Variants in HIF1A observed in about 807,000 individuals in gnomAD.
The protein encoded by HIF1A is hypoxia inducible factor 1 subunit alpha.
A neutral mutation model predicts 92.7 loss-of-function variants in HIF1A; 24 were observed. The ratio of observed to expected loss-of-function variants is 0.26; its 90% CI spans 0.19 to 0.36. HIF1A has a LOEUF of 0.36. HIF1A is among the 10% of genes least tolerant of loss of function. The probability of loss-of-function intolerance (pLI) is 1.00; values close to 1 mark genes in which losing one functional copy is unlikely to be tolerated. For synonymous variants in HIF1A, 319 were observed against 338.7 expected (o/e 0.94, Z 0.64); for missense variants, 799 against 998.5 (o/e 0.80, Z 2.69).
intron 1 of HIF1A, among the ~76,000 whole-genome samples, chr14:61,705,190 T>C (rs2044225299): frequency 6.6e-6 from 1 of 152,154 alleles, no homozygotes; most frequent in Non-Finnish European, 1.5e-5. Flanking sequence ...TGAGTATGTA[T>C]ACTGCATTAA....
chr14:61,738,770 A>G (rs1332622292), intron 10 of HIF1A, among the ~76,000 whole-genome samples: 2 of 152,130 alleles, frequency 1.3e-5, no homozygotes, highest in East Asian at 1.9e-4. Flanking sequence ...TTGTTTTGAG[A>G]AAGAGTCTCA....
chr14:61,718,538 G>T (rs2044389047), intron 1 of HIF1A, among the ~76,000 whole-genome samples: 1 of 151,934 alleles, frequency 6.6e-6, no homozygotes, highest in African/African-American at 2.4e-5. Context: ...CATCATACTT[G>T]TTTTTTTATT....
intron 1 of HIF1A, among the ~76,000 whole-genome samples, chr14:61,702,439 CAAAAAAAAAAA>C (rs149442775): frequency 1.3e-5 from 1 of 78,794 alleles, no homozygotes; most frequent in Non-Finnish European, 2.7e-5. Flanking sequence ...ATGCTGTCTC[CAAAAAAAAAAA>C]AAAAAAATTA....
intron 6 of HIF1A, among the ~76,000 whole-genome samples, chr14:61,730,496 T>C (rs1389232024): frequency 1.3e-5 from 2 of 152,210 alleles, no homozygotes; most frequent in Non-Finnish European, 2.9e-5. Flanking sequence ...TCTCCACTAA[T>C]CATATTATAG....
chr14:61,695,938 G>A (rs577702143), intron 1 of HIF1A, 99 bp downstream of exon 1: 13 of 1,128,948 alleles, frequency 1.2e-5, no homozygotes, highest in African/African-American at 3.1e-5. Context: ...ATGGGATTGG[G>A]GGGGGCAGCC....
At position 61,695,841 on chromosome 14, in the gene HIF1A, T is replaced by TA; in HGVS notation, c.35+4dup. 1 of 1,586,390 alleles carries TA rather than the reference T, an allele frequency of 6.3e-7. No homozygotes were observed. The highest frequency in any genetic ancestry group is 1.2e-5 in the South Asian group (1 of 86,766). On this transcript the variant is annotated splice_region_variant and intron_variant, in intron 1 of 14. Coordinates refer to ENST00000337138, the MANE Select transcript of HIF1A (RefSeq NM_001530.4). ...CGGCGGCGCGAACGACAAGAAAAAGTAAGCCCATTCCCTCGGCCCGCCGCC... is the reference window on the plus strand; with the variant it reads ...CGGCGGCGCGAACGACAAGAAAAAGTAAAGCCCATTCCCTCGGCCCGCCGCC...
intron 1 of HIF1A, chr14:61,697,901 A>G: frequency 6.6e-7 from 1 of 1,524,524 alleles, no homozygotes; most frequent in African/African-American, 1.4e-5. Context: ...TTTTAAAAGA[A>G]GGTCTAGGAA....
In HIF1A at chr14:61,747,146, A is replaced by G; in HGVS notation, c.*61A>G. 3.5e-6 allele frequency: 5 copies of G among 1,422,526 alleles called. No homozygotes were observed. The South Asian group carries it at 5.6e-5, about 16-fold the overall frequency. The allele number at this position is 1,422,526 out of a possible 1,614,324, so 88.1% of individuals were successfully genotyped here. A position where few individuals can be genotyped will look rare whatever the true frequency, so the allele number is the denominator to read the frequency against. ...GGTGGCTCATTACCTAAAGCAGTCT[A>G]TTTATATTTTCTACATCTAATTTTA... On this transcript the variant is annotated 3_prime_UTR_variant, in exon 15 of 15. Coordinates refer to ENST00000337138, the MANE Select transcript of HIF1A (RefSeq NM_001530.4).
rs754720314 is a variant in HIF1A, at chr14:61,746,902, A to C, written c.2330-32A>C. 4 of 1,533,708 alleles carry C rather than the reference A, an allele frequency of 2.6e-6. No individual in the cohort carries two copies. In the African/African-American group the frequency reaches 5.5e-5, roughly 21 times the overall value. ...TAATAAATATTCATTGACTAGATGA[A>C]TGTATACTTAGGTATCTCTTTTGTT... On this transcript the variant is annotated intron_variant, in intron 14 of 14. Transcript: ENST00000337138.
Position 61,719,835 on chromosome 14 carries a change from G to A in HIF1A, c.36-547G>A, listed in dbSNP as rs148089391. Among the ~76,000 whole-genome samples, 1,093 of 152,266 alleles carry A rather than the reference G, an allele frequency of 7.2e-3. 19 individuals carry two copies. Among genetic ancestry groups the A allele is most frequent in the African/African-American group, 0.025 (1,025 of 41,552 alleles). On this transcript the variant is annotated intron_variant, in intron 1 of 14. Transcript: ENST00000337138. ...CACTGGCTTATAGCTGCTAATGTCA[G>A]TTCCTATAGCTTATCGTCAGTGTTA...
Position 61,740,927 on chromosome 14 carries a change from CTGCTAA to C in HIF1A, c.1836_1841del (p.Asn613_Ala614del). Reference sequence around the variant, plus strand: ...CAGCAGACTCAAATACAAGAACCTACTGCTAATGCCACCACTACCACTGCCACCACT... The same window carrying C: ...CAGCAGACTCAAATACAAGAACCTACTGCCACCACTACCACTGCCACCACT... On this transcript the variant is annotated inframe_deletion, in exon 12 of 15. Coordinates refer to ENST00000337138, the MANE Select transcript of HIF1A (RefSeq NM_001530.4). 1 of 1,614,184 alleles carries C rather than the reference CTGCTAA, an allele frequency of 6.2e-7. No homozygotes were observed. Among genetic ancestry groups the C allele is most frequent in the South Asian group, 1.1e-5 (1 of 91,086 alleles).
chr14:61,706,269 A>T (rs1283505540), intron 1 of HIF1A, among the ~76,000 whole-genome samples: 2 of 152,192 alleles, frequency 1.3e-5, no homozygotes, highest in African/African-American at 4.8e-5. Flanking sequence ...AATGTTTGTG[A>T]CATTCATGAA....
chr14:61,713,955 C>G (rs1390685055), intron 1 of HIF1A, among the ~76,000 whole-genome samples: 1 of 152,162 alleles, frequency 6.6e-6, no homozygotes, highest in Non-Finnish European at 1.5e-5. Flanking sequence ...GAGAGAACCC[C>G]TCCTCTCCCG....
At chr14:61,697,731 G>T in intron 1 of HIF1A, 2 of 1,310,752 alleles carry the variant, frequency 1.5e-6, no homozygotes, top group Non-Finnish European at 1.9e-6. Context: ...TGGTTACTCA[G>T]CACTTTTAGA....
At chr14:61,713,801 G>A (rs2044333258) in intron 1 of HIF1A, among the ~76,000 whole-genome samples, 2 of 152,146 alleles carry the variant, frequency 1.3e-5, no homozygotes, top group Admixed American at 1.3e-4. Context: ...AGTTCCTGAG[G>A]CCAGACTTGC....
intron 6 of HIF1A, among the ~76,000 whole-genome samples, chr14:61,731,742 A>G (rs916686717): frequency 6.6e-6 from 1 of 152,238 alleles, no homozygotes; most frequent in Non-Finnish European, 1.5e-5. Flanking sequence ...GTAAGTGACT[A>G]CCTTTATAAC....
chr14:61,702,664 G>A (rs2044191583), intron 1 of HIF1A, among the ~76,000 whole-genome samples: 1 of 152,032 alleles, frequency 6.6e-6, no homozygotes, highest in Non-Finnish European at 1.5e-5. Context: ...ATTTAAATAG[G>A]AGTTCCCTGA....
intron 6 of HIF1A, among the ~76,000 whole-genome samples, chr14:61,728,881 C>T (rs1358813134): frequency 6.6e-6 from 1 of 152,090 alleles, no homozygotes; most frequent in Non-Finnish European, 1.5e-5. Flanking sequence ...TCAAATGCTT[C>T]CCTCCATCTT....
At chr14:61,714,626 T>C (rs897063285) in intron 1 of HIF1A, among the ~76,000 whole-genome samples, 2 of 139,764 alleles carry the variant, frequency 1.4e-5, no homozygotes, top group East Asian at 2.6e-4. Flanking sequence ...CATTATAGTA[T>C]GTGTGTTAGC....
Sources: allele counts gnomAD v4.1 joint callset (sites outside exome capture counted in the v4.1 genomes callset), GRCh38; gene constraint gnomAD v4.1.1; transcripts MANE v1.5; gene names NCBI Gene and HGNC (gene_info 2026-07-23, HGNC 2026-07-21).